Variants in MYO5C observed in about 807,000 individuals in gnomAD.
MYO5C encodes the protein myosin VC, also known as unconventional myosin-Vc.
MYO5C carries 194 observed loss-of-function variants against 235.7 expected under a neutral mutation model. The ratio of observed to expected loss-of-function variants is 0.82; its 90% confidence interval spans 0.73 to 0.93. The LOEUF (loss-of-function observed/expected upper bound fraction) is 0.93. MYO5C is among the 40% of genes least tolerant of loss of function. The probability of loss-of-function intolerance (pLI) is 0.00; values close to 1 mark genes in which losing one functional copy is unlikely to be tolerated. For synonymous variants in MYO5C, 707 were observed against 754.8 expected, an observed-to-expected ratio of 0.94 and a Z score of 1.04; for missense variants, 2,038 against 2,127.2, an observed-to-expected ratio of 0.96 and a Z score of 0.82.
At chr15:52,220,284 T>C (rs2035646648) in intron 30 of MYO5C, among the ~76,000 whole-genome samples, 1 of 152,192 alleles carries the variant, frequency 6.6e-6, no homozygotes, top group Non-Finnish European at 1.5e-5. Flanking sequence ...TAGGAATCTC[T>C]AGCAATACTG....
At chr15:52,237,927 C>CT (rs942066647) in intron 21 of MYO5C, among the ~76,000 whole-genome samples, 1 of 149,062 alleles carries the variant, frequency 6.7e-6, no homozygotes, top group East Asian at 1.9e-4. Context: ...GTGCCCCCCG[C>CT]CAAAATTCAT....
At chr15:52,258,510 T>A (rs1279324488) in intron 10 of MYO5C, among the ~76,000 whole-genome samples, 1 of 152,194 alleles carries the variant, frequency 6.6e-6, no homozygotes, top group Non-Finnish European at 1.5e-5. Flanking sequence ...AGCTTAGACC[T>A]TGAAGCTCAC....
chr15:52,246,277 C>T (rs1342371384), intron 16 of MYO5C, among the ~76,000 whole-genome samples: 2 of 152,150 alleles, frequency 1.3e-5, no homozygotes, highest in African/African-American at 2.4e-5. Context: ...TTGAGAAGGC[C>T]ATGGGGGAAC....
At chr15:52,271,723 C>T in intron 7 of MYO5C, 40 bp downstream of exon 7, 2 of 1,184,722 alleles carry the variant, frequency 1.7e-6, no homozygotes, top group Non-Finnish European at 2.3e-6. Flanking sequence ...TTAAGCCCTC[C>T]ATAAAAGAGA....
At chr15:52,240,743 A>T (rs754360118) in intron 20 of MYO5C, among the ~76,000 whole-genome samples, 13 of 152,068 alleles carry the variant, frequency 8.5e-5, no homozygotes, top group Admixed American at 3.3e-4. Context: ...AAAATAAATA[A>T]ATAAATAAAA....
At position 52,232,669 on chromosome 15, in the gene MYO5C, G is replaced by A. The variant is rs563814006; in HGVS notation, c.2979C>T (p.Leu993=). ...GTACATCATCAAAGAGCTGCTTGGT[G>A]AGGTTGTCCATTTTTTCTGTAAAAA... ...TEELKEKMDN[L]TKQLFDDVQK... The change falls in exon 24 of 41, where the codon CTC becomes CTT. Residue 993 remains leucine, a synonymous_variant. Transcript: ENST00000261839. 12 of 1,613,878 alleles carry A rather than the reference G, an allele frequency of 7.4e-6. No homozygotes were observed. In the African/African-American group the frequency reaches 1.5e-4, roughly 20 times the overall value.
intron 8 of MYO5C, among the ~76,000 whole-genome samples, chr15:52,268,789 C>T (rs914173172): frequency 6.6e-6 from 1 of 152,188 alleles, no homozygotes; most frequent in African/African-American, 2.4e-5. Context: ...CCTGCTCCAC[C>T]TGTGCCGGCA....
chr15:52,196,583 A>C, intron 38 of MYO5C, 100 bp from the exon 39 acceptor site: 1 of 1,113,214 alleles, frequency 9.0e-7, no homozygotes, highest in South Asian at 1.5e-5. Context: ...GATCCTTAAG[A>C]CCACAGCTCA....
Position 52,196,285 on chromosome 15 carries a change from G to C in MYO5C, c.4995+24C>G, listed in dbSNP as rs1354158863. Reference sequence around the variant, plus strand: ...ACTGATGTGTCAGGGAAGAGCCAGGGAGACACTAAGCAAGCCTGGTCACCT... The same window carrying C: ...ACTGATGTGTCAGGGAAGAGCCAGGCAGACACTAAGCAAGCCTGGTCACCT... On this transcript the variant is annotated intron_variant, in intron 39 of 40. Transcript: ENST00000261839. 9 of 1,575,084 alleles carry C rather than the reference G, an allele frequency of 5.7e-6. No homozygotes were observed. In the East Asian group the frequency reaches 2.0e-4, roughly 35 times the overall value.
chr15:52,259,829 C>T (rs1054416057), intron 10 of MYO5C, among the ~76,000 whole-genome samples: 33 of 152,374 alleles, frequency 2.2e-4, no homozygotes, highest in African/African-American at 5.8e-4. Flanking sequence ...AGTCCAACAG[C>T]GTGGTGTGGC....
chr15:52,242,040 G>A lies in MYO5C; in HGVS notation c.2556+8C>T. On this transcript the variant is annotated splice_region_variant and intron_variant, in intron 20 of 40. Transcript: ENST00000261839. Reference sequence around the variant, plus strand: ...CCCTCCCTTCCTCTAGACAGAGGTTGGCCTCACCTTTCGATACCTCCTCCT... The same window carrying A: ...CCCTCCCTTCCTCTAGACAGAGGTTAGCCTCACCTTTCGATACCTCCTCCT... 1 of 1,605,840 alleles carries A rather than the reference G, an allele frequency of 6.2e-7. No individual in the cohort carries two copies. The highest frequency in any genetic ancestry group is 8.5e-7 in the Non-Finnish European group (1 of 1,176,076).
chr15:52,265,623 C>T (rs1320606223), intron 8 of MYO5C, among the ~76,000 whole-genome samples: 2 of 151,784 alleles, frequency 1.3e-5, no homozygotes, highest in African/African-American at 2.4e-5. Flanking sequence ...ACTGCAGCCT[C>T]GACCTCCTAG....
intron 22 of MYO5C, 64 bp downstream of exon 22, chr15:52,237,418 A>C: frequency 1.3e-5 from 19 of 1,517,950 alleles, no homozygotes; most frequent in Non-Finnish European, 1.6e-5. Context: ...AAAAGCTGGC[A>C]GCGCTCATCT....
At chr15:52,205,365 T>G (rs2035287042) in intron 37 of MYO5C, 1 of 572,340 alleles carries the variant, frequency 1.7e-6, no homozygotes, top group Non-Finnish European at 3.1e-6. Context: ...CAGCTCCTCT[T>G]GTAGGTTTGA....
rs1299519389 is a variant in MYO5C, at chr15:52,246,898, G to T, written c.1979+19C>A. On this transcript the variant is annotated intron_variant, in intron 16 of 40. Transcript: ENST00000261839. ...CTGCCTTCCCACGTCTTCGCTGTGT[G>T]TTGCATAAGAACACTTACTCAAAGG... 1 of 1,597,090 alleles carries T rather than the reference G, an allele frequency of 6.3e-7. No homozygotes were observed. The highest frequency in any genetic ancestry group is 8.6e-7 in the Non-Finnish European group (1 of 1,167,586).
At chr15:52,291,737 T>TTTTTGTTTTGTTTTG (rs1566998024) in intron 1 of MYO5C, among the ~76,000 whole-genome samples, 3 of 74,522 alleles carry the variant, frequency 4.0e-5, no homozygotes, top group African/African-American at 9.3e-5. Context: ...TTATGTTTTT[T>TTTTTGTTTTGTTTTG]TTTTTTTTTT....
At chr15:52,263,518 T>C (rs1241863435) in intron 9 of MYO5C, among the ~76,000 whole-genome samples, 8 of 151,986 alleles carry the variant, frequency 5.3e-5, no homozygotes, top group Admixed American at 1.3e-4. Context: ...GCCCTTAAGG[T>C]CCTATGTGGT....
At chr15:52,286,296 G>A (rs1459372052) in intron 1 of MYO5C, among the ~76,000 whole-genome samples, 5 of 150,178 alleles carry the variant, frequency 3.3e-5, no homozygotes, top group Non-Finnish European at 7.4e-5. Flanking sequence ...CCGGCCAGCC[G>A]CCCCGTCCGG....
intron 1 of MYO5C, among the ~76,000 whole-genome samples, chr15:52,284,915 C>A (rs561841709): frequency 1.3e-5 from 2 of 150,914 alleles, no homozygotes; most frequent in Non-Finnish European, 2.9e-5. Context: ...TCACAGCTCA[C>A]TGGAGCCTCG....
Sources: allele counts gnomAD v4.1 joint callset (sites outside exome capture counted in the v4.1 genomes callset), GRCh38; gene constraint gnomAD v4.1.1; transcripts MANE v1.5; gene names NCBI Gene and HGNC (gene_info 2026-07-23, HGNC 2026-07-21).